The following SMPDL3A variants were observed in gnomAD, a reference collection of about 807,000 sequenced individuals.
SMPDL3A encodes sphingomyelin phosphodiesterase acid like 3A, also known as cyclic GMP-AMP phosphodiesterase SMPDL3A.
A neutral mutation model predicts 38.5 loss-of-function variants in SMPDL3A; 39 were observed. That is an observed-to-expected ratio of 1.01 (90% confidence interval 0.78 to 1.32). The LOEUF (loss-of-function observed/expected upper bound fraction) is 1.32. Among genes scored for constraint, SMPDL3A ranks in the 40% most tolerant of loss-of-function variants. The probability of loss-of-function intolerance (pLI) is 0.00; values close to 1 mark genes in which losing one functional copy is unlikely to be tolerated. For missense variants in SMPDL3A, 502 were observed against 536.2 expected (o/e 0.94, Z 0.63); for synonymous variants, 180 against 194.3 (o/e 0.93, Z 0.61).
intron 6 of SMPDL3A, among the ~76,000 whole-genome samples, chr6:122,805,625 T>G (rs1188854519): frequency 6.6e-6 from 1 of 152,182 alleles, no homozygotes; most frequent in Non-Finnish European, 1.5e-5. Context: ...GATTTTTCAG[T>G]TTTTTTGTTT....
At chr6:122,795,955 G>A in intron 2 of SMPDL3A, 65 bp downstream of exon 2, 3 of 1,186,368 alleles carry the variant, frequency 2.5e-6, no homozygotes, top group Non-Finnish European at 3.6e-6. Flanking sequence ...AGCTTCATAA[G>A]AGTGCTGAAT....
At chr6:122,799,759 C>T (rs995969993) in intron 3 of SMPDL3A, among the ~76,000 whole-genome samples, 3 of 152,124 alleles carry the variant, frequency 2.0e-5, no homozygotes, top group African/African-American at 7.2e-5. Flanking sequence ...ACGCATGTAT[C>T]AAGAACTACT....
chr6:122,805,972 T>C (rs1443895355), intron 6 of SMPDL3A, among the ~76,000 whole-genome samples: 2 of 152,222 alleles, frequency 1.3e-5, no homozygotes, highest in South Asian at 2.1e-4. Flanking sequence ...ACATATTCTA[T>C]ATTCATTGCT....
At chr6:122,806,407 A>T (rs779468219) in intron 7 of SMPDL3A, 50 bp downstream of exon 7, 1 of 1,541,418 alleles carries the variant, frequency 6.5e-7, no homozygotes, top group South Asian at 1.2e-5. Flanking sequence ...ATATCTTTGC[A>T]GTTTTCATTA....
At chr6:122,806,559 T>C (rs1182441709) in intron 7 of SMPDL3A, among the ~76,000 whole-genome samples, 1 of 152,226 alleles carries the variant, frequency 6.6e-6, no homozygotes. Context: ...TGGAAGGCTG[T>C]TTCTGTTCTG....
At chr6:122,795,592 C>T (rs554913051) in intron 1 of SMPDL3A, 85 bp from the exon 2 acceptor site, 55 of 999,644 alleles carry the variant, frequency 5.5e-5, no homozygotes, top group Admixed American at 1.1e-4. Context: ...GAGGAACAAC[C>T]GTCTCTAGTC....
At chr6:122,797,097 C>CCTG in intron 3 of SMPDL3A, 129 bp downstream of exon 3, 2 of 671,220 alleles carry the variant, frequency 3.0e-6, no homozygotes, top group East Asian at 2.7e-5. Flanking sequence ...GGTCTTAATC[C>CCTG]TAACCATCAA....
At chr6:122,791,886 G>A (rs1361684734) in intron 1 of SMPDL3A, among the ~76,000 whole-genome samples, 1 of 152,080 alleles carries the variant, frequency 6.6e-6, no homozygotes, top group Non-Finnish European at 1.5e-5. Flanking sequence ...GTAGAGACGG[G>A]GTTTCACCGT....
In SMPDL3A at chr6:122,789,398, C is replaced by G. The variant is rs1300065916; in HGVS notation, c.52C>G (p.Arg18Gly). 1.3e-6 allele frequency: 2 copies of G among 1,549,194 alleles called. No individual in the cohort carries two copies. The highest frequency in any genetic ancestry group is 1.2e-5 in the South Asian group (1 of 83,994). Residue 18 changes from arginine (R) to glycine (G), a missense_variant, in exon 1 of 8, where the codon CGC (arginine) becomes GGC (glycine). Arg to Gly is a moderately radical substitution (Grantham distance 125). Transcript: ENST00000368440. ...CTGCCTGCTGACTGCCTGGCACTGC[C>G]GCTCCGGCCTCGGGCTGCCCGTGGC... ...VCCLLTAWHCRSGLGLPVAPA... is the reference protein window; with the variant it reads ...VCCLLTAWHCGSGLGLPVAPA...
intron 2 of SMPDL3A, 70 bp downstream of exon 2, chr6:122,795,960 C>A: frequency 9.1e-7 from 1 of 1,104,116 alleles, no homozygotes; most frequent in Non-Finnish European, 1.3e-6. Context: ...CATAAGAGTG[C>A]TGAATTCCAT....
rs368179028 is a variant in SMPDL3A at position 122,798,030 on chromosome 6, TCTA to T, written c.471+1065_471+1067del. ...ACATACTCAATATTTCCCAAACATATCTACTTTCACGCCTCTCTGTGTCCACAT... is the reference window on the plus strand; with the variant it reads ...ACATACTCAATATTTCCCAAACATATCTTTCACGCCTCTCTGTGTCCACAT... On this transcript the variant is annotated intron_variant, in intron 3 of 7. Transcript: ENST00000368440. Among the ~76,000 whole-genome samples, 686 of 150,014 alleles carry T rather than the reference TCTA, an allele frequency of 4.6e-3. 3 individuals carry two copies. Among genetic ancestry groups the T allele is most frequent in the African/African-American group, 0.016 (643 of 41,326 alleles).
intron 7 of SMPDL3A, among the ~76,000 whole-genome samples, chr6:122,808,601 C>CCCTT (rs1446631711): frequency 0.012 from 626 of 53,130 alleles, 3 homozygotes; most frequent in African/African-American, 0.036. Flanking sequence ...CTTCCTCCCT[C>CCCTT]CCTCCCTCCC....
In SMPDL3A at chr6:122,809,470, T is replaced by C; in HGVS notation, c.*62T>C. 2 of 1,257,352 alleles carry C rather than the reference T, an allele frequency of 1.6e-6. No individual in the cohort carries two copies. Among genetic ancestry groups the C allele is most frequent in the Non-Finnish European group, 2.2e-6 (2 of 895,352 alleles). The allele number at this position is 1,257,352 out of a possible 1,614,324, so 77.9% of individuals were successfully genotyped here. A position where few individuals can be genotyped will look rare whatever the true frequency, so the allele number is the denominator to read the frequency against. ...TGATTCTGAGATCAATTTGTGGGAA[T>C]TTTACATAAATCTTTGTTAATTACT... is the stretch of plus-strand genomic sequence containing the variant. On this transcript the variant is annotated 3_prime_UTR_variant, in exon 8 of 8. Transcript: ENST00000368440.
chr6:122,796,938 T>G lies in SMPDL3A; in HGVS notation c.441T>G (p.Pro147=), dbSNP rs1046539372. Residue 147 remains proline, a synonymous_variant, in exon 3 of 8, where the codon CCT becomes CCG. Transcript: ENST00000368440. ...TCTTTCCAAATCTCCAGGTTTTCCC[T>G]GCGCTGGGTAATCATGACTATTGGC... is the stretch of plus-strand genomic sequence containing the variant. ...QSLFPNLQVF[P]ALGNHDYWPQ... is the part of the protein sequence containing the mutation. 2 of 1,613,782 alleles carry G rather than the reference T, an allele frequency of 1.2e-6. No homozygotes were observed. The highest frequency in any genetic ancestry group is 3.3e-5 in the Admixed American group (2 of 59,994).
At chr6:122,799,132 G>A (rs1781344156) in intron 3 of SMPDL3A, among the ~76,000 whole-genome samples, 1 of 152,138 alleles carries the variant, frequency 6.6e-6, no homozygotes, top group South Asian at 2.1e-4. Context: ...ACAGATGCAT[G>A]TCCCCACCCA....
At chr6:122,800,239 T>C (rs1781384110) in intron 3 of SMPDL3A, among the ~76,000 whole-genome samples, 1 of 152,210 alleles carries the variant, frequency 6.6e-6, no homozygotes, top group Admixed American at 6.5e-5. Flanking sequence ...TACTTTATGA[T>C]AATAAAAATG....
At chr6:122,808,367 G>A (rs1781705771) in intron 7 of SMPDL3A, among the ~76,000 whole-genome samples, 1 of 152,112 alleles carries the variant, frequency 6.6e-6, no homozygotes, top group Non-Finnish European at 1.5e-5. Flanking sequence ...AGATTGACTA[G>A]CAACATTCTT....
At position 122,796,929 on chromosome 6, in the gene SMPDL3A, G is replaced by A. The variant is rs551940971; in HGVS notation, c.432G>A (p.Gln144=). 6.2e-7 allele frequency: 1 copy of A among 1,613,696 alleles called. No homozygotes were observed. Among genetic ancestry groups the A allele is most frequent in the South Asian group, 1.1e-5 (1 of 91,028 alleles). ...TCCAGAGTCTCTTTCCAAATCTCCA[G>A]GTTTTCCCTGCGCTGGGTAATCATG... ...TTIQSLFPNL[Q]VFPALGNHDY... Residue 144 remains glutamine, a synonymous_variant, in exon 3 of 8, where the codon CAG becomes CAA. Coordinates refer to ENST00000368440, the MANE Select transcript of SMPDL3A (RefSeq NM_006714.5).
intron 1 of SMPDL3A, among the ~76,000 whole-genome samples, chr6:122,790,403 C>T (rs1043209322): frequency 6.6e-6 from 1 of 152,168 alleles, no homozygotes; most frequent in Non-Finnish European, 1.5e-5. Flanking sequence ...CTCACCTCCT[C>T]AACTCCCTTT....
Sources: gnomAD v4.1 joint callset for allele counts (sites outside exome capture counted in the v4.1 genomes callset) on GRCh38, gnomAD v4.1.1 for gene constraint, MANE v1.5 for transcripts, NCBI Gene and HGNC (gene_info 2026-07-23, HGNC 2026-07-21) for gene names.